CCDC88C: variants seen among roughly 807,000 people sequenced by gnomAD.
CCDC88C encodes the protein protein Daple.
CCDC88C carries 131 observed loss-of-function variants against 198.8 expected under a neutral mutation model. The ratio of observed to expected loss-of-function variants is 0.66; its 90% CI spans 0.57 to 0.76. The LOEUF is 0.76. CCDC88C is among the 30% of genes least tolerant of loss of function. CCDC88C has a pLI of 0.00. For missense variants in CCDC88C, 2,553 were observed against 2,631.6 expected (o/e 0.97, Z 0.65); for synonymous variants, 1,166 against 1,114.7 (o/e 1.05, Z -0.92).
chr14:91,273,493 G>A lies in CCDC88C; in HGVS notation c.5219C>T (p.Ser1740Leu), dbSNP rs766112055. 74 of 1,552,018 alleles carry A rather than the reference G, an allele frequency of 4.8e-5. No individual in the cohort carries two copies. In the Middle Eastern group the frequency reaches 6.9e-4, roughly 14 times the overall value. Residue 1740 changes from serine (S) to leucine (L), a missense_variant, in exon 30 of 30, where the codon TCG (serine) becomes TTG (leucine). This residue lies in a region of CCDC88C where 1,293 missense variants were observed against 1,219.6 expected (regional missense o/e 1.06). Transcript: ENST00000389857. The surrounding 1 kb of genome is among the most constrained non-coding windows in gnomAD (Gnocchi z 5.6). ...APTVKMAAPT[S>L]EGRPLKPGQY... The stretch of plus-strand genomic sequence containing the variant: ...CCCGGGCTTCAGCGGCCTCCCCTCC[G>A]AGGTGGGGGCGGCCATTTTGACGGT...
intron 16 of CCDC88C, among the ~76,000 whole-genome samples, chr14:91,308,969 G>A (rs1365070627): frequency 2.0e-5 from 3 of 152,216 alleles, no homozygotes; most frequent in African/African-American, 4.8e-5. Flanking sequence ...GCTCATGCCT[G>A]TAATCCCGGC....
In CCDC88C at chr14:91,324,856, T is replaced by A. The variant is rs1330326133; in HGVS notation, c.1265A>T (p.Gln422Leu). ...GGCAGATTCGTTCATGCTCTGCTTC[T>A]GTGCAATCTCAAGGACCATGTTTTC... ...LEENMVLEIA[Q>L]KQSMNESAHL... Residue 422 changes from glutamine (Q) to leucine (L), a missense_variant, in exon 12 of 30, where the codon CAG becomes CTG. Around this residue, in one of 2 missense-constraint regions of CCDC88C, gnomAD observed 1,260 missense variants for 1,412.0 expected, o/e 0.89. Coordinates refer to ENST00000389857, the MANE Select transcript of CCDC88C (RefSeq NM_001080414.4). 1.2e-6 allele frequency: 2 copies of A among 1,613,744 alleles called. No homozygotes were observed. Among genetic ancestry groups the A allele is most frequent in the African/African-American group, 1.3e-5 (1 of 74,920 alleles).
At chr14:91,385,066 C>T (rs1341441051) in intron 3 of CCDC88C, among the ~76,000 whole-genome samples, 1 of 152,182 alleles carries the variant, frequency 6.6e-6, no homozygotes, top group African/African-American at 2.4e-5. Context: ...ACCGGCACTA[C>T]CAATCCTTTT....
chr14:91,382,249 G>C (rs1219251267), intron 3 of CCDC88C, among the ~76,000 whole-genome samples: 1 of 152,102 alleles, frequency 6.6e-6, no homozygotes, highest in African/African-American at 2.4e-5. Flanking sequence ...CAACGCAGAG[G>C]CCTCATAATC....
chr14:91,274,920 C>G (rs1318989021), intron 29 of CCDC88C, among the ~76,000 whole-genome samples: 1 of 152,206 alleles, frequency 6.6e-6, no homozygotes, highest in Non-Finnish European at 1.5e-5. Flanking sequence ...TCCACTCCAC[C>G]AGGCTCCTCC....
chr14:91,306,998 C>T, intron 18 of CCDC88C, 40 bp downstream of exon 18: 1 of 1,550,516 alleles, frequency 6.4e-7, no homozygotes, highest in Non-Finnish European at 8.7e-7. Context: ...GTCTCTCTCT[C>T]TCTGTCCCCG....
chr14:91,399,854 A>G (rs2002364), intron 3 of CCDC88C, among the ~76,000 whole-genome samples: 1,908 of 141,284 alleles, frequency 0.014, 32 homozygotes, highest in African/African-American at 0.037. Flanking sequence ...AAAAAAAAAA[A>G]AAGAAGAAGA....
chr14:91,293,087 T>C (rs77023607), intron 23 of CCDC88C, among the ~76,000 whole-genome samples: 982 of 16,656 alleles, frequency 0.059, 5 homozygotes, highest in Middle Eastern at 0.062. Flanking sequence ...CCCACCTTCC[T>C]GTCCTCACCT....
intron 4 of CCDC88C, among the ~76,000 whole-genome samples, chr14:91,354,150 G>A (rs906581943): frequency 1.3e-5 from 2 of 152,150 alleles, no homozygotes; most frequent in Non-Finnish European, 2.9e-5. Context: ...CGGTGGGATC[G>A]GCCATGTGTA....
intron 3 of CCDC88C, among the ~76,000 whole-genome samples, chr14:91,401,337 T>TAC (rs1182425303): frequency 1.5e-5 from 2 of 136,872 alleles, no homozygotes; most frequent in African/African-American, 5.4e-5. Context: ...ATATATTATA[T>TAC]ATATATATAT....
chr14:91,271,394 C>T lies in CCDC88C; in HGVS notation c.*1231G>A, dbSNP rs1428932786. 6 of 151,958 alleles carry T rather than the reference C, an allele frequency of 3.9e-5. No homozygotes were observed. 9.4% of individuals were successfully genotyped at this position (151,958 alleles called of 1,614,324 possible). On this transcript the variant is annotated 3_prime_UTR_variant, in exon 30 of 30. Transcript: ENST00000389857. ...ATGAATGGCTATTTAATACACAACCCCAAACACTCCTAAAATGGATCTTGT... is the reference window on the plus strand; with the variant it reads ...ATGAATGGCTATTTAATACACAACCTCAAACACTCCTAAAATGGATCTTGT...
chr14:91,300,678 C>T (rs776768248), intron 20 of CCDC88C, among the ~76,000 whole-genome samples: 6 of 152,178 alleles, frequency 3.9e-5, no homozygotes, highest in Admixed American at 1.3e-4. Flanking sequence ...CAGCCCTCAC[C>T]GTCCCCACAA....
At chr14:91,415,705 A>T (rs544642716) in intron 2 of CCDC88C, among the ~76,000 whole-genome samples, 1 of 151,084 alleles carries the variant, frequency 6.6e-6, no homozygotes, top group Non-Finnish European at 1.5e-5. Context: ...GGGCAACAAG[A>T]GCGAAACTCC....
chr14:91,329,562 TTCATTCACAGGCAAGCATCAAG>T (rs542023935), intron 10 of CCDC88C, among the ~76,000 whole-genome samples: 1,705 of 152,284 alleles, frequency 0.011, 32 homozygotes, highest in African/African-American at 0.036. Flanking sequence ...GAAGCTCACG[TTCATTCACAGGCAAGCATCAAG>T]TCATTCACAG....
chr14:91,374,653 C>T (rs991251663), intron 3 of CCDC88C, among the ~76,000 whole-genome samples: 5 of 152,218 alleles, frequency 3.3e-5, no homozygotes, highest in Admixed American at 1.3e-4. Context: ...CTGCTGAGCA[C>T]AGAGCCTGGG....
At chr14:91,408,908 T>C (rs1596172171) in intron 2 of CCDC88C, 141 bp from the exon 3 acceptor site, 13 of 643,872 alleles carry the variant, frequency 2.0e-5, no homozygotes, top group Non-Finnish European at 2.9e-6. Context: ...TCAAGTCAAA[T>C]CCCAATCCTG....
At chr14:91,392,747 A>G (rs28494101) in intron 3 of CCDC88C, among the ~76,000 whole-genome samples, 46,594 of 146,736 alleles carry the variant, frequency 0.32, 7,536 homozygotes, top group South Asian at 0.4. Context: ...CACTCTCACC[A>G]CGCCCCTCAC....
intron 3 of CCDC88C, among the ~76,000 whole-genome samples, chr14:91,363,818 G>A (rs1894413487): frequency 6.6e-6 from 1 of 152,262 alleles, no homozygotes; most frequent in Non-Finnish European, 1.5e-5. Flanking sequence ...CGCGGGGAAT[G>A]TGGTGGGGTG....
Position 91,339,164 on chromosome 14 carries a change from T to A in CCDC88C, c.809+114A>T. The A allele has an allele frequency of 7.7e-7, 1 of 1,300,198 alleles. No homozygotes were observed. Among genetic ancestry groups the A allele is most frequent in the East Asian group, 2.5e-5 (1 of 40,178 alleles). 80.5% of individuals were successfully genotyped at this position (1,300,198 alleles called of 1,614,324 possible). On this transcript the variant is annotated intron_variant, in intron 8 of 29. Coordinates refer to ENST00000389857, the MANE Select transcript of CCDC88C (RefSeq NM_001080414.4). This position sits in a 1 kb window ranked among gnomAD's most constrained non-coding sequence, Gnocchi z 5.8. ...AAGCTCAGGGCAGACCCCAGCTGACTCCGGGGCACACGTCAGAGCTGTGCC... is the reference window on the plus strand; with the variant it reads ...AAGCTCAGGGCAGACCCCAGCTGACACCGGGGCACACGTCAGAGCTGTGCC...
Sources: gnomAD v4.1 joint callset for allele counts (sites outside exome capture counted in the v4.1 genomes callset) on GRCh38, gnomAD v4.1.1 for gene constraint, gnomAD v4.1.1 regional missense constraint, Gnocchi (gnomAD v3.1) non-coding constraint, MANE v1.5 for transcripts, NCBI Gene and HGNC (gene_info 2026-07-23, HGNC 2026-07-21) for gene names.